AKAP19: variants seen among roughly 807,000 people sequenced by gnomAD.
AKAP19 encodes the protein A-kinase anchoring protein 19, also known as small A-kinase anchoring protein.
the AKAP19 span, among the ~76,000 whole-genome samples, chr2:190,095,016 A>G: frequency 3.9e-5 from 6 of 152,318 alleles, no homozygotes; most frequent in Middle Eastern, 3.4e-3. Flanking sequence ...TGAGGTCAGG[A>G]GTTCGAGACC....
chr2:190,101,744 A>C, the AKAP19 span, among the ~76,000 whole-genome samples: 1 of 152,218 alleles, frequency 6.6e-6, no homozygotes, highest in Non-Finnish European at 1.5e-5. Flanking sequence ...ACACAGTAAT[A>C]GTGGGGAACT....
the AKAP19 span, among the ~76,000 whole-genome samples, chr2:190,175,955 A>G: frequency 6.6e-6 from 1 of 152,164 alleles, no homozygotes; most frequent in Non-Finnish European, 1.5e-5. Flanking sequence ...TTCTTGTGGC[A>G]TTTAGCTAGG....
At chr2:190,004,642 T>C in the AKAP19 span, among the ~76,000 whole-genome samples, 2 of 152,224 alleles carry the variant, frequency 1.3e-5, no homozygotes, top group African/African-American at 4.8e-5. Context: ...CTCACCTGGT[T>C]TATGTTCTCA....
the AKAP19 span, among the ~76,000 whole-genome samples, chr2:190,153,027 C>T: frequency 1.3e-5 from 2 of 152,070 alleles, no homozygotes; most frequent in Non-Finnish European, 2.9e-5. Flanking sequence ...TCCTGAGTAG[C>T]TGGGACTACA....
the AKAP19 span, among the ~76,000 whole-genome samples, chr2:190,070,293 A>T: frequency 1.3e-5 from 2 of 152,142 alleles, no homozygotes; most frequent in Admixed American, 6.6e-5. Context: ...ACTTAACTCA[A>T]ATTTCAATAT....
chr2:190,016,664 C>T, the AKAP19 span, among the ~76,000 whole-genome samples: 1 of 152,138 alleles, frequency 6.6e-6, no homozygotes, highest in Non-Finnish European at 1.5e-5. Flanking sequence ...GATAGGATTT[C>T]AATTTTCTTA....
the AKAP19 span, among the ~76,000 whole-genome samples, chr2:190,017,324 C>T: frequency 3.9e-5 from 6 of 152,008 alleles, no homozygotes; most frequent in East Asian, 1.2e-3. Context: ...TGTAATTTGT[C>T]TTCTGGTTGT....
the AKAP19 span, among the ~76,000 whole-genome samples, chr2:190,018,803 T>C: frequency 1.3e-5 from 2 of 152,224 alleles, no homozygotes; most frequent in Non-Finnish European, 2.9e-5. Flanking sequence ...AGACCTTCAC[T>C]GTTTCATGTA....
At chr2:190,139,520 C>T in the AKAP19 span, among the ~76,000 whole-genome samples, 57 of 152,266 alleles carry the variant, frequency 3.7e-4, no homozygotes, top group African/African-American at 1.3e-3. Context: ...TTCTGCAGGG[C>T]TGGGAGGCCT....
chr2:190,056,015 A>G, the AKAP19 span: 1 of 152,708 alleles, frequency 6.5e-6, no homozygotes, highest in South Asian at 2.1e-4. Context: ...ACAGTAAACC[A>G]TTGAAATTTC....
At chr2:189,953,016 G>A in the AKAP19 span, among the ~76,000 whole-genome samples, 104 of 152,266 alleles carry the variant, frequency 6.8e-4, 1 homozygote, top group Non-Finnish European at 1.1e-3. Context: ...AGGAGGTCAG[G>A]TGGCTTTTGT....
chr2:189,949,879 C>T, the AKAP19 span, among the ~76,000 whole-genome samples: 17 of 151,476 alleles, frequency 1.1e-4, no homozygotes, highest in African/African-American at 3.4e-4. Context: ...ATCTACCTGC[C>T]TCGACCTCCC....
the AKAP19 span, among the ~76,000 whole-genome samples, chr2:190,038,479 G>A: frequency 6.6e-6 from 1 of 152,116 alleles, no homozygotes; most frequent in Non-Finnish European, 1.5e-5. Flanking sequence ...AGGAATTCTC[G>A]TAGAGCTTTC....
At chr2:189,928,712 G>C in the AKAP19 span, among the ~76,000 whole-genome samples, 1 of 152,044 alleles carries the variant, frequency 6.6e-6, no homozygotes, top group Admixed American at 6.6e-5. Flanking sequence ...TCTTTACAAA[G>C]TACTTAAGAG....
At chr2:190,123,094 G>A in the AKAP19 span, among the ~76,000 whole-genome samples, 1 of 152,050 alleles carries the variant, frequency 6.6e-6, no homozygotes, top group Non-Finnish European at 1.5e-5. Flanking sequence ...TTACTAGCAT[G>A]AGCCCCCCAC....
At chr2:190,081,408 C>T in the AKAP19 span, among the ~76,000 whole-genome samples, 1 of 152,124 alleles carries the variant, frequency 6.6e-6, no homozygotes, top group Admixed American at 6.5e-5. Flanking sequence ...TCCGCCAGAG[C>T]CCAGAGGAAC....
the AKAP19 span, among the ~76,000 whole-genome samples, chr2:190,116,400 A>G: frequency 3.9e-5 from 6 of 152,158 alleles, no homozygotes; most frequent in African/African-American, 1.4e-4. Flanking sequence ...TTTTATAGTC[A>G]TCATTTATCC....
At chr2:190,102,347 A>G in the AKAP19 span, among the ~76,000 whole-genome samples, 1 of 152,134 alleles carries the variant, frequency 6.6e-6, no homozygotes, top group Non-Finnish European at 1.5e-5. Context: ...AAAAGAGTAG[A>G]ACTGAATGAA....
chr2:189,886,426 A>G, the AKAP19 span, among the ~76,000 whole-genome samples: 1 of 152,322 alleles, frequency 6.6e-6, no homozygotes, highest in South Asian at 2.1e-4. Flanking sequence ...TCCCATTTAT[A>G]AACTTATTTA....
Sources: allele counts gnomAD v4.1 joint callset (sites outside exome capture counted in the v4.1 genomes callset), GRCh38; gene constraint gnomAD v4.1.1; transcripts MANE v1.5; gene names NCBI Gene and HGNC (gene_info 2026-07-23, HGNC 2026-07-21).